ADAP1: variants seen among roughly 807,000 people sequenced by gnomAD.
ADAP1 encodes the protein arf-GAP with dual PH domain-containing protein 1.
ADAP1 carries 31 observed loss-of-function variants against 54.9 expected under a neutral mutation model. The observed-to-expected ratio is 0.56, with a 90% confidence interval of 0.42 to 0.76. The LOEUF (loss-of-function observed/expected upper bound fraction) is 0.76, where lower values mean the gene tolerates loss of function less well. ADAP1 is among the 30% of genes least tolerant of loss of function. The pLI is 0.00. For synonymous variants in ADAP1, 313 were observed against 202.6 expected (o/e 1.55, Z -4.63); for missense variants, 535 against 512.4 (o/e 1.04, Z -0.42).
intron 6 of ADAP1, 101 bp downstream of exon 6, chr7:904,025 C>T: frequency 2.0e-6 from 3 of 1,484,872 alleles, no homozygotes; most frequent in Non-Finnish European, 2.7e-6. Flanking sequence ...GCTCAAGTGC[C>T]TACCCTCCCG....
At chr7:955,142 C>T, upstream of ADAP1, 1 of 655,210 alleles carries the variant, frequency 1.5e-6, no homozygotes, top group Non-Finnish European at 2.7e-6. Context: ...ACACAGGGCC[C>T]AGACGGAGCC....
At chr7:904,593 C>T (rs918298520) in intron 5 of ADAP1, among the ~76,000 whole-genome samples, 28 of 152,322 alleles carry the variant, frequency 1.8e-4, no homozygotes, top group Middle Eastern at 3.4e-3. Flanking sequence ...CACCAGCCCA[C>T]CTCCAGCCAG....
Position 920,073 on chromosome 7 carries a change from G to A in ADAP1, c.306-23C>T. ...AGCCTGTGGGGAGAGGAGAGACTGA[G>A]CCACTGGGCCAAGGCGGCCTCCGAC... On this transcript the variant is annotated intron_variant, in intron 3 of 10. Coordinates refer to ENST00000265846, the MANE Select transcript of ADAP1 (RefSeq NM_006869.4). The surrounding 1 kb of genome is among the most constrained non-coding windows in gnomAD (Gnocchi z 4.5). 1 of 1,600,350 alleles carries A rather than the reference G, an allele frequency of 6.2e-7. No homozygotes were observed. The highest frequency in any genetic ancestry group is 8.5e-7 in the Non-Finnish European group (1 of 1,177,498).
At position 900,515 on chromosome 7, in the gene ADAP1, C is replaced by T. The variant is rs201680411; in HGVS notation, c.732+18G>A. 2.3e-5 allele frequency: 36 copies of T among 1,589,986 alleles called. No individual in the cohort carries two copies. Among genetic ancestry groups the T allele is most frequent in the African/African-American group, 6.7e-5 (5 of 74,454 alleles). On this transcript the variant is annotated intron_variant, in intron 7 of 10. Transcript: ENST00000265846. ...CACCCCTGTCTGCCCTGGAGCTGAC[C>T]GCAGGGCCGCCACTCACATCTGCGT...
At chr7:909,144 AGCGGGAACCCCG>A (rs1845605922) in intron 4 of ADAP1, among the ~76,000 whole-genome samples, 1 of 148,992 alleles carries the variant, frequency 6.7e-6, no homozygotes, top group Admixed American at 6.7e-5. Flanking sequence ...AGCAGGCGCC[AGCGGGAACCCCG>A]GTCCTCCCGA....
At chr7:931,982 G>A (rs1329186375) in intron 2 of ADAP1, among the ~76,000 whole-genome samples, 6 of 152,284 alleles carry the variant, frequency 3.9e-5, no homozygotes, top group African/African-American at 1.4e-4. Context: ...AGCCAGGGGG[G>A]GCCCAGTGCA....
chr7:911,171 A>AC (rs1289252234), intron 4 of ADAP1, among the ~76,000 whole-genome samples: 1 of 152,156 alleles, frequency 6.6e-6, no homozygotes, highest in African/African-American at 2.4e-5. Context: ...AACAGCCAGG[A>AC]CAGGGAGGCT....
At chr7:915,281 T>C (rs1407527631) in intron 4 of ADAP1, among the ~76,000 whole-genome samples, 1 of 151,752 alleles carries the variant, frequency 6.6e-6, no homozygotes, top group Non-Finnish European at 1.5e-5. Flanking sequence ...CCCGTACATC[T>C]CGTCTGTGTA....
At chr7:900,888 C>CGGGCT in intron 6 of ADAP1, 1 of 594,596 alleles carries the variant, frequency 1.7e-6, no homozygotes, top group Non-Finnish European at 3.2e-6. Flanking sequence ...GCCGAAGGGC[C>CGGGCT]GGGCCGGGCC....
intron 4 of ADAP1, among the ~76,000 whole-genome samples, chr7:906,741 GTACATA>G (rs1845448388): frequency 1.1e-4 from 3 of 26,974 alleles, no homozygotes; most frequent in East Asian, 3.4e-3. Context: ...GGGGGACAGA[GTACATA>G]GGGGACATGG....
chr7:949,719 C>A (rs1045813127), intron 1 of ADAP1, among the ~76,000 whole-genome samples: 2 of 152,194 alleles, frequency 1.3e-5, no homozygotes, highest in Non-Finnish European at 2.9e-5. Context: ...GGGCACCAGG[C>A]GCAGGACAGA....
rs550532883 is a variant in ADAP1 at position 953,150 on chromosome 7, T to G, written c.82+1246A>C. Among the ~76,000 whole-genome samples, 5 of 152,076 alleles carry G rather than the reference T, an allele frequency of 3.3e-5. No homozygotes were observed. In the South Asian group the frequency reaches 1.0e-3, roughly 31 times the overall value. On this transcript the variant is annotated intron_variant, in intron 1 of 10. Transcript: ENST00000265846. Reference sequence around the variant, plus strand: ...TCCTGAACAGGAGGAAATAAAGGTCTGTGGGGAGAGAGTCTGGGGTGAGCC... The same window carrying G: ...TCCTGAACAGGAGGAAATAAAGGTCGGTGGGGAGAGAGTCTGGGGTGAGCC...
chr7:900,661 C>CGCTGGGGGCCCCACAGAGGG, intron 6 of ADAP1, 45 bp from the exon 7 acceptor site: 1 of 1,443,280 alleles, frequency 6.9e-7, no homozygotes, highest in Non-Finnish European at 9.5e-7. Context: ...GAGGCTGCAG[C>CGCTGGGGGCCCCACAGAGGG]GCTGGGGTCC....
chr7:941,000 G>A (rs1333017647), intron 1 of ADAP1, among the ~76,000 whole-genome samples: 2 of 151,508 alleles, frequency 1.3e-5, no homozygotes, highest in Non-Finnish European at 2.9e-5. Flanking sequence ...TGCAAAAAAT[G>A]TTGGCAAAAC....
chr7:900,483 A>ACCCCCCC, intron 7 of ADAP1, 50 bp downstream of exon 7: 1 of 614,490 alleles, frequency 1.6e-6, no homozygotes, highest in Admixed American at 3.3e-5. Context: ...TCCACCCCCC[A>ACCCCCCC]CCCCACCACC....
intron 1 of ADAP1, among the ~76,000 whole-genome samples, chr7:935,831 C>T (rs549949827): frequency 7.9e-5 from 12 of 152,296 alleles, no homozygotes; most frequent in Middle Eastern, 3.4e-3. Context: ...GGAGGGCACC[C>T]GGCACTCGTG....
At chr7:899,777 GACC>G (rs1844694549) in intron 8 of ADAP1, among the ~76,000 whole-genome samples, 1 of 152,066 alleles carries the variant, frequency 6.6e-6, no homozygotes, top group East Asian at 1.9e-4. Context: ...TCTCCTCCGG[GACC>G]ACCAAGACTC....
intron 6 of ADAP1, chr7:901,316 T>C (rs762162015): frequency 2.5e-5 from 7 of 278,562 alleles, no homozygotes; most frequent in African/African-American, 4.5e-5. Context: ...CCCATGACAT[T>C]ATAACCTGCG....
chr7:899,336 G>A (rs894020121), intron 9 of ADAP1, 75 bp from the exon 10 acceptor site: 2 of 1,604,754 alleles, frequency 1.2e-6, no homozygotes, highest in Non-Finnish European at 8.5e-7. Flanking sequence ...GGACTCGGGA[G>A]GCCACCCGCC....
Sources: gnomAD v4.1 joint callset for allele counts (sites outside exome capture counted in the v4.1 genomes callset) on GRCh38, gnomAD v4.1.1 for gene constraint, Gnocchi (gnomAD v3.1) non-coding constraint, MANE v1.5 for transcripts, NCBI Gene and HGNC (gene_info 2026-07-23, HGNC 2026-07-21) for gene names.